The following NEMP2 variants were observed in gnomAD, a reference collection of about 807,000 sequenced individuals.
The protein encoded by NEMP2 is UPF0571 transmembrane protein.
NEMP2 carries 53 observed loss-of-function variants against 54.2 expected under a neutral mutation model. That is an observed-to-expected ratio of 0.98 (90% confidence interval 0.78 to 1.23). The LOEUF (loss-of-function observed/expected upper bound fraction) is 1.23. Among genes scored for constraint, NEMP2 ranks in the 50% most tolerant of loss-of-function variants. The pLI, the probability that NEMP2 is intolerant of heterozygous loss-of-function variation, is 0.00. For synonymous variants in NEMP2, 197 were observed against 190.3 expected (o/e 1.04, Z -0.29); for missense variants, 455 against 511.3 (o/e 0.89, Z 1.06).
the NEMP2 span, among the ~76,000 whole-genome samples, chr2:190,635,921 C>CA: frequency 6.6e-6 from 1 of 152,176 alleles, no homozygotes; most frequent in Non-Finnish European, 1.5e-5. This position sits in a 1 kb window ranked among gnomAD's most constrained non-coding sequence, Gnocchi z 4.1. Context: ...GGCTGGAGTG[C>CA]AGGGGCATGA....
chr2:190,486,280 T>C, the NEMP2 span, among the ~76,000 whole-genome samples: 55 of 152,374 alleles, frequency 3.6e-4, no homozygotes, highest in African/African-American at 1.3e-3. Context: ...TATTGTTCTC[T>C]GAAATGGTTT....
At chr2:190,566,051 C>T in the NEMP2 span, among the ~76,000 whole-genome samples, 2 of 150,220 alleles carry the variant, frequency 1.3e-5, no homozygotes, top group Non-Finnish European at 3.0e-5. Flanking sequence ...CAAGGCAGCT[C>T]TGCACTGAAG....
the NEMP2 span, among the ~76,000 whole-genome samples, chr2:190,429,227 C>T: frequency 2.3e-3 from 341 of 148,910 alleles, 2 homozygotes; most frequent in South Asian, 0.014. Context: ...TCTTTTGTTA[C>T]GTGTGTGTGT....
chr2:190,431,018 TCCCAGACGGGG>T, the NEMP2 span, among the ~76,000 whole-genome samples: 1 of 110,750 alleles, frequency 9.0e-6, no homozygotes, highest in Non-Finnish European at 2.1e-5. The surrounding 1 kb of genome is among the most constrained non-coding windows in gnomAD (Gnocchi z 4.4). Flanking sequence ...GCTCCTCACC[TCCCAGACGGGG>T]TCGCGGCCGG....
chr2:190,493,006 A>G, the NEMP2 span, among the ~76,000 whole-genome samples: 1 of 152,136 alleles, frequency 6.6e-6, no homozygotes, highest in Non-Finnish European at 1.5e-5. Flanking sequence ...AAATAACACA[A>G]TGATTGGAAT....
At chr2:190,488,190 T>C in the NEMP2 span, among the ~76,000 whole-genome samples, 21,996 of 152,244 alleles carry the variant, frequency 0.14, 1,819 homozygotes, top group Middle Eastern at 0.22. The surrounding 1 kb of genome is among the most constrained non-coding windows in gnomAD (Gnocchi z 6.4). Context: ...CGTGAGCCAC[T>C]GCGCCCAGCC....
At chr2:190,517,431 T>C (rs182608592) in intron 5 of NEMP2, 89 bp downstream of exon 5, 32 of 884,682 alleles carry the variant, frequency 3.6e-5, no homozygotes, top group Admixed American at 1.2e-4. Flanking sequence ...AATTAGAACC[T>C]ATCATAATGT....
chr2:190,525,456 G>A lies in NEMP2; in HGVS notation c.98-78C>T. The A allele has an allele frequency of 2.7e-6, 2 of 750,000 alleles. No homozygotes were observed. Among genetic ancestry groups the A allele is most frequent in the South Asian group, 1.9e-5 (1 of 53,926 alleles). The allele number at this position is 750,000 out of a possible 1,614,324, so 46.5% of individuals were successfully genotyped here. On this transcript the variant is annotated intron_variant, in intron 1 of 8. Coordinates refer to ENST00000409150, the MANE Select transcript of NEMP2 (RefSeq NM_001142645.2). This position sits in a 1 kb window ranked among gnomAD's most constrained non-coding sequence, Gnocchi z 5.0. ...TTTTTTAAAAAAAGTTTGCAGGGAG[G>A]TAACAGTAGCAGTTTTAACGTTCTA...
the NEMP2 span, among the ~76,000 whole-genome samples, chr2:190,565,773 G>A: frequency 6.6e-6 from 1 of 152,138 alleles, no homozygotes; most frequent in Non-Finnish European, 1.5e-5. Context: ...TATGCTCTTT[G>A]AAAGGATGAT....
the NEMP2 span, among the ~76,000 whole-genome samples, chr2:190,565,402 G>A: frequency 6.6e-5 from 10 of 152,334 alleles, no homozygotes; most frequent in Middle Eastern, 3.4e-3. Flanking sequence ...GATTAGTGGA[G>A]TATAAAATCT....
chr2:190,440,754 A>T, the NEMP2 span, among the ~76,000 whole-genome samples: 1 of 152,198 alleles, frequency 6.6e-6, no homozygotes, highest in Non-Finnish European at 1.5e-5. Flanking sequence ...CCATGCAAAT[A>T]TTATCCGGGG....
chr2:190,634,664 G>T, the NEMP2 span, among the ~76,000 whole-genome samples: 1 of 152,156 alleles, frequency 6.6e-6, no homozygotes, highest in African/African-American at 2.4e-5. This position sits in a 1 kb window ranked among gnomAD's most constrained non-coding sequence, Gnocchi z 6.8. Flanking sequence ...TATTCAAAAG[G>T]TTTTAATCTG....
chr2:190,512,024 A>G lies in NEMP2; in HGVS notation c.954-1487T>C, dbSNP rs1240828974. Among the ~76,000 whole-genome samples, 2 of 151,492 alleles carry G rather than the reference A, an allele frequency of 1.3e-5. No individual in the cohort carries two copies. Among genetic ancestry groups the G allele is most frequent in the Admixed American group, 6.6e-5 (1 of 15,182 alleles). On this transcript the variant is annotated intron_variant, in intron 7 of 8. Transcript: ENST00000409150. This position sits in a 1 kb window ranked among gnomAD's most constrained non-coding sequence, Gnocchi z 4.5. ...CTTGAGGGTTAGGATTGATAAATCT[A>G]TTATCTTTTAAAGATCTTATAGTTG... is the stretch of plus-strand genomic sequence containing the variant.
rs756884631 is a variant in NEMP2 at position 190,506,461 on chromosome 2, C to T, written c.*2728G>A. On this transcript the variant is annotated 3_prime_UTR_variant, in exon 9 of 9. Transcript: ENST00000409150. The surrounding 1 kb of genome is among the most constrained non-coding windows in gnomAD (Gnocchi z 6.3). ...TCATTTCAGGATCTTAATTCCTCCACATATTTAGATATTTTTATGTAATCC... is the reference window on the plus strand; with the variant it reads ...TCATTTCAGGATCTTAATTCCTCCATATATTTAGATATTTTTATGTAATCC... The T allele has an allele frequency of 9.2e-5, 14 of 152,214 alleles. No homozygotes were observed. The highest frequency in any genetic ancestry group is 1.8e-4 in the Non-Finnish European group (12 of 68,034). The allele number at this position is 152,214 out of a possible 1,614,324, so 9.4% of individuals were successfully genotyped here.
At chr2:190,634,432 AAC>A in the NEMP2 span, among the ~76,000 whole-genome samples, 1 of 152,220 alleles carries the variant, frequency 6.6e-6, no homozygotes, top group African/African-American at 2.4e-5. The surrounding 1 kb of genome is among the most constrained non-coding windows in gnomAD (Gnocchi z 6.8). Context: ...AAATAAGAGA[AAC>A]AAACACATAG....
the NEMP2 span, among the ~76,000 whole-genome samples, chr2:190,621,359 TC>T: frequency 6.6e-6 from 1 of 152,210 alleles, no homozygotes; most frequent in South Asian, 2.1e-4. Context: ...TTTGTGCGTC[TC>T]AACATATTAA....
the NEMP2 span, among the ~76,000 whole-genome samples, chr2:190,429,164 A>G: frequency 6.6e-6 from 1 of 150,460 alleles, no homozygotes; most frequent in African/African-American, 2.4e-5. Context: ...ATATTTTCCT[A>G]CTGATTTTTT....
the NEMP2 span, among the ~76,000 whole-genome samples, chr2:190,571,147 G>T: frequency 6.6e-6 from 1 of 152,166 alleles, no homozygotes; most frequent in Non-Finnish European, 1.5e-5. Context: ...AATAGTAATT[G>T]TACCCATCTA....
the NEMP2 span, among the ~76,000 whole-genome samples, chr2:190,434,447 A>T: frequency 6.6e-6 from 1 of 151,966 alleles, no homozygotes; most frequent in Non-Finnish European, 1.5e-5. The surrounding 1 kb of genome is among the most constrained non-coding windows in gnomAD (Gnocchi z 4.3). Context: ...TTATTTATTT[A>T]TTTTTTTGAG....
Sources: gnomAD v4.1 joint callset for allele counts (sites outside exome capture counted in the v4.1 genomes callset) on GRCh38, gnomAD v4.1.1 for gene constraint, Gnocchi (gnomAD v3.1) non-coding constraint, MANE v1.5 for transcripts, NCBI Gene and HGNC (gene_info 2026-07-23, HGNC 2026-07-21) for gene names.